Variants in NCKAP5 observed in about 807,000 individuals in gnomAD.
NCKAP5 encodes nck-associated protein 5.
A neutral mutation model predicts 167.0 loss-of-function variants in NCKAP5; 92 were observed. The ratio of observed to expected loss-of-function variants is 0.55; its 90% confidence interval spans 0.47 to 0.66. The LOEUF (loss-of-function observed/expected upper bound fraction) is 0.66, where lower values mean the gene tolerates loss of function less well. Among genes scored for constraint, NCKAP5 ranks in the 30% least tolerant of loss-of-function variants. The probability of loss-of-function intolerance (pLI) is 0.00; values close to 1 mark genes in which losing one functional copy is unlikely to be tolerated. For synonymous variants in NCKAP5, 891 were observed against 877.4 expected, an observed-to-expected ratio of 1.02 and a Z score of -0.27; for missense variants, 2,378 against 2,315.0, an observed-to-expected ratio of 1.03 and a Z score of -0.56.
chr2:132,718,778 C>G (rs1190917443), intron 19 of NCKAP5, among the ~76,000 whole-genome samples: 1 of 152,160 alleles, frequency 6.6e-6, no homozygotes. Flanking sequence ...TTATTTGACA[C>G]ACATTTATTA....
At chr2:132,868,411 A>G (rs1007303704) in intron 10 of NCKAP5, among the ~76,000 whole-genome samples, 1 of 152,204 alleles carries the variant, frequency 6.6e-6, no homozygotes, top group African/African-American at 2.4e-5. Context: ...AGTGGTTACC[A>G]TTATTTTATA....
At chr2:133,493,082 G>C (rs941500976) in intron 3 of NCKAP5, among the ~76,000 whole-genome samples, 1 of 152,202 alleles carries the variant, frequency 6.6e-6, no homozygotes, top group African/African-American at 2.4e-5. Flanking sequence ...CAGTTCAAGT[G>C]ACATTAAAAA....
At chr2:133,389,141 G>A (rs1029777927) in intron 3 of NCKAP5, among the ~76,000 whole-genome samples, 1 of 152,176 alleles carries the variant, frequency 6.6e-6, no homozygotes, top group African/African-American at 2.4e-5. Flanking sequence ...GCTGGGAGCT[G>A]TACACTGGAG....
At chr2:133,083,979 G>T (rs1485291634) in intron 6 of NCKAP5, among the ~76,000 whole-genome samples, 1 of 152,100 alleles carries the variant, frequency 6.6e-6, no homozygotes. Context: ...ACTGCCTGGA[G>T]GAGTCAGAAA....
intron 4 of NCKAP5, among the ~76,000 whole-genome samples, chr2:133,224,589 T>C (rs2086801883): frequency 6.6e-6 from 1 of 152,172 alleles, no homozygotes; most frequent in Non-Finnish European, 1.5e-5. Flanking sequence ...TCCTTTTTAT[T>C]TCTACTTGGA....
At chr2:133,538,188 C>T (rs1466331648) in intron 2 of NCKAP5, among the ~76,000 whole-genome samples, 1 of 152,098 alleles carries the variant, frequency 6.6e-6, no homozygotes, top group Non-Finnish European at 1.5e-5. Context: ...CTACTATTGC[C>T]TTTTAAAATT....
At chr2:133,190,817 C>G (rs1290180439) in intron 5 of NCKAP5, among the ~76,000 whole-genome samples, 1 of 152,018 alleles carries the variant, frequency 6.6e-6, no homozygotes, top group Non-Finnish European at 1.5e-5. Flanking sequence ...CTATAAAAAC[C>G]CTAGAAGAAA....
At chr2:133,596,794 T>C in the NCKAP5 span, among the ~76,000 whole-genome samples, 1 of 152,128 alleles carries the variant, frequency 6.6e-6, no homozygotes, top group African/African-American at 2.4e-5. Flanking sequence ...ATGGCTTATG[T>C]AATCACAGAC....
intron 6 of NCKAP5, among the ~76,000 whole-genome samples, chr2:133,052,711 T>A (rs1447440604): frequency 3.4e-5 from 5 of 145,628 alleles, no homozygotes; most frequent in African/African-American, 7.7e-5. Context: ...AAAGAGAAAC[T>A]CTGTCACAAA....
chr2:133,591,341 G>A, the NCKAP5 span, among the ~76,000 whole-genome samples: 30 of 152,190 alleles, frequency 2.0e-4, no homozygotes, highest in Non-Finnish European at 2.1e-4. Context: ...CTGAAGTCAC[G>A]TGCCTCAGAA....
chr2:133,273,951 T>G (rs545501834), intron 4 of NCKAP5, among the ~76,000 whole-genome samples: 12 of 144,972 alleles, frequency 8.3e-5, no homozygotes, highest in Admixed American at 6.2e-4. Context: ...GGAATGCCCT[T>G]AACCTGATAA....
At chr2:133,532,286 CA>C (rs1685432072) in intron 2 of NCKAP5, among the ~76,000 whole-genome samples, 1 of 152,166 alleles carries the variant, frequency 6.6e-6, no homozygotes, top group Non-Finnish European at 1.5e-5. Flanking sequence ...TTTCACATTG[CA>C]AACAGTAATG....
chr2:132,976,408 C>T (rs557316171), intron 7 of NCKAP5, among the ~76,000 whole-genome samples: 3 of 151,906 alleles, frequency 2.0e-5, no homozygotes, highest in Admixed American at 6.6e-5. Flanking sequence ...ACTGAAAATA[C>T]AGAAAATTAG....
chr2:133,321,091 C>G (rs1277199788), intron 3 of NCKAP5, among the ~76,000 whole-genome samples: 1 of 152,198 alleles, frequency 6.6e-6, no homozygotes, highest in Non-Finnish European at 1.5e-5. Flanking sequence ...TGAGCCTGAT[C>G]ACTGACCCAT....
chr2:133,044,638 C>G (rs376297922), intron 6 of NCKAP5, among the ~76,000 whole-genome samples: 5 of 152,106 alleles, frequency 3.3e-5, no homozygotes, highest in African/African-American at 1.2e-4. Context: ...GAGTATAAAT[C>G]GGTGCAACCA....
intron 3 of NCKAP5, among the ~76,000 whole-genome samples, chr2:133,317,955 G>A (rs1296391256): frequency 2.6e-5 from 4 of 152,314 alleles, no homozygotes; most frequent in South Asian, 2.1e-4. Context: ...CCTTCAGGGG[G>A]CTGTGTATAT....
Position 132,894,313 on chromosome 2 carries a change from C to T in NCKAP5, c.580-15397G>A, listed in dbSNP as rs375939798. Among the ~76,000 whole-genome samples, 11 of 152,200 alleles carry T rather than the reference C, an allele frequency of 7.2e-5. No individual in the cohort carries two copies. In the South Asian group the frequency reaches 1.0e-3, roughly 14 times the overall value. On this transcript the variant is annotated intron_variant, in intron 8 of 19. Transcript: ENST00000409261. ...CCTAGATGAGAAGGAGAGCCAAAGA[C>T]GACACTGAGTTTTATATTCTGGGTC...
At chr2:133,644,440 C>T in the NCKAP5 span, among the ~76,000 whole-genome samples, 11,355 of 152,128 alleles carry the variant, frequency 0.075, 597 homozygotes, top group Non-Finnish European at 0.11. Context: ...AATCATTTGC[C>T]TGCCATCTCA....
At position 133,427,622 on chromosome 2, in the gene NCKAP5, T is replaced by C. The variant is rs900059043; in HGVS notation, c.69+89836A>G. ...TTCTAATTTCAGTTGTAAAATTAAA[T>C]AGAAACATTTTAAATAGAATGTTAG... On this transcript the variant is annotated intron_variant, in intron 3 of 19. Transcript: ENST00000409261. Among the ~76,000 whole-genome samples the C allele has an allele frequency of 4.6e-5, 7 of 152,124 alleles. No homozygotes were observed. In the South Asian group the frequency reaches 1.2e-3, roughly 27 times the overall value.
Sources: gnomAD v4.1 joint callset for allele counts (sites outside exome capture counted in the v4.1 genomes callset) on GRCh38, gnomAD v4.1.1 for gene constraint, MANE v1.5 for transcripts, NCBI Gene and HGNC (gene_info 2026-07-23, HGNC 2026-07-21) for gene names.